The following ENKUR variants were observed in gnomAD, a reference collection of about 807,000 sequenced individuals.
ENKUR encodes enkurin, TRPC channel interacting protein, also known as enkurin.
ENKUR carries 19 observed loss-of-function variants against 27.6 expected under a neutral mutation model. The observed-to-expected ratio is 0.69, with a 90% CI of 0.48 to 1.01. The LOEUF (loss-of-function observed/expected upper bound fraction) is 1.01. ENKUR is among the 50% of genes least tolerant of loss of function. The pLI is 0.00. For synonymous variants in ENKUR, 117 were observed against 96.9 expected (o/e 1.21, Z -1.22); for missense variants, 312 against 310.5 (o/e 1.00, Z -0.04).
Position 25,013,845 on chromosome 10 carries a change from G to C in ENKUR, c.77+2015C>G, listed in dbSNP as rs192366764. ...TAATCCCAGCTACTCGGGAGGCTGA[G>C]GCAGGAGAATCGCTTGAACCCAGGA... On this transcript the variant is annotated intron_variant, in intron 1 of 5. Coordinates refer to ENST00000331161, the MANE Select transcript of ENKUR (RefSeq NM_145010.4). 2.1e-4 allele frequency among the ~76,000 whole-genome samples: 32 copies of C among 152,200 alleles called. No individual in the cohort carries two copies. In the East Asian group the frequency reaches 6.2e-3, roughly 29 times the overall value.
intron 2 of ENKUR, among the ~76,000 whole-genome samples, chr10:25,048,343 A>C (rs1296011232): frequency 6.6e-6 from 1 of 152,132 alleles, no homozygotes; most frequent in Non-Finnish European, 1.5e-5. Flanking sequence ...AGATGATCAG[A>C]ACTAGGGGTC....
In ENKUR at chr10:25,062,260, C is replaced by T. The variant is rs1203559228; in HGVS notation, c.-300G>A. On this transcript the variant is annotated 5_prime_UTR_variant, in exon 1 of 6. Transcript: ENST00000615958. The stretch of plus-strand genomic sequence containing the variant: ...TGTTGCTCTCTTGTCACTTTTCCAC[C>T]AGTGTTCCTCTCTTAAGGGAGAGAA... 2.0e-5 allele frequency: 3 copies of T among 152,186 alleles called. No homozygotes were observed. In the East Asian group the frequency reaches 5.8e-4, roughly 29 times the overall value. 9.4% of individuals were successfully genotyped at this position (152,186 alleles called of 1,614,324 possible).
chr10:25,055,545 CA>C (rs142864120), intron 2 of ENKUR, among the ~76,000 whole-genome samples: 1,713 of 94,246 alleles, frequency 0.018, 23 homozygotes, highest in African/African-American at 0.053. Context: ...AACAAATTGG[CA>C]AAAAAAAAAA....
chr10:25,002,321 G>A (rs11014341), intron 1 of ENKUR, among the ~76,000 whole-genome samples: 12,669 of 152,220 alleles, frequency 0.083, 681 homozygotes, highest in Middle Eastern at 0.12. Context: ...TATTTCCACA[G>A]TCCTCTCTCT....
upstream of ENKUR, chr10:25,016,307 G>T: frequency 2.4e-6 from 1 of 419,582 alleles, no homozygotes; most frequent in Non-Finnish European, 3.3e-6. Flanking sequence ...GAAAGTTAAC[G>T]GGGTGAAAAT....
upstream of ENKUR, among the ~76,000 whole-genome samples, chr10:25,018,537 A>G (rs1850655280): frequency 6.6e-6 from 1 of 152,228 alleles, no homozygotes; most frequent in Non-Finnish European, 1.5e-5. Context: ...GTTGTGCTTC[A>G]AAGAAACTTG....
At chr10:25,025,420 C>A in intron 2 of ENKUR, 1 of 1,610,386 alleles carries the variant, frequency 6.2e-7, no homozygotes, top group South Asian at 1.1e-5. Context: ...CTTGAAGAGT[C>A]ATGTGGAACA....
At chr10:25,001,635 G>A (rs965384068) in intron 1 of ENKUR, among the ~76,000 whole-genome samples, 2 of 151,876 alleles carry the variant, frequency 1.3e-5, no homozygotes, top group African/African-American at 2.4e-5. Context: ...CTTTTTCAGT[G>A]TCTTAGCTGC....
At chr10:25,031,738 C>CT (rs60752145) in intron 2 of ENKUR, among the ~76,000 whole-genome samples, 30 of 129,800 alleles carry the variant, frequency 2.3e-4, no homozygotes, top group East Asian at 8.5e-4. Context: ...GTTTTTAGTT[C>CT]TTTTTTTTTT....
chr10:24,989,274 C>A (rs998275649), intron 4 of ENKUR, among the ~76,000 whole-genome samples: 2 of 152,200 alleles, frequency 1.3e-5, no homozygotes, highest in Non-Finnish European at 2.9e-5. Flanking sequence ...TTCCTTCCTG[C>A]CTGTCTGCCT....
At chr10:25,058,351 G>T (rs936924962) in intron 2 of ENKUR, among the ~76,000 whole-genome samples, 3 of 152,022 alleles carry the variant, frequency 2.0e-5, no homozygotes, top group Admixed American at 1.3e-4. Flanking sequence ...GGGACTACAG[G>T]CATGCACCAC....
intron 2 of ENKUR, among the ~76,000 whole-genome samples, chr10:24,998,360 T>C (rs200909586): frequency 4.8e-5 from 2 of 41,496 alleles, no homozygotes; most frequent in Non-Finnish European, 4.1e-5. Context: ...CCTTCCTTCC[T>C]CTCTCTCTCT....
intron 5 of ENKUR, 21 bp from the exon 6 acceptor site, chr10:24,984,397 A>T (rs2132661185): frequency 1.3e-6 from 2 of 1,597,618 alleles, no homozygotes; most frequent in South Asian, 1.1e-5. Flanking sequence ...AAAAAAAAAA[A>T]AGTGAAGTTC....
At chr10:25,032,610 G>T (rs1223000220) in intron 2 of ENKUR, among the ~76,000 whole-genome samples, 1 of 152,086 alleles carries the variant, frequency 6.6e-6, no homozygotes. Context: ...AGAAGTAAAT[G>T]TTATCTCTAA....
At chr10:24,986,841 ACTT>A (rs1206493174) in intron 4 of ENKUR, among the ~76,000 whole-genome samples, 2 of 152,202 alleles carry the variant, frequency 1.3e-5, no homozygotes, top group Non-Finnish European at 2.9e-5. Context: ...CTAAAAAGAT[ACTT>A]CATGTGTTGC....
upstream of ENKUR, among the ~76,000 whole-genome samples, chr10:25,016,992 C>T (rs1156807800): frequency 1.3e-5 from 2 of 152,150 alleles, no homozygotes; most frequent in African/African-American, 4.8e-5. Flanking sequence ...GCACGGGGCC[C>T]GCGGCCTCCT....
At chr10:25,024,986 CAG>C (rs1271281055) in intron 2 of ENKUR, 2 of 1,614,028 alleles carry the variant, frequency 1.2e-6, no homozygotes, top group East Asian at 2.2e-5. Context: ...CAGCTAATGA[CAG>C]AATTATTTAA....
chr10:25,027,398 A>ATGG (rs1402806183), intron 2 of ENKUR, among the ~76,000 whole-genome samples: 1 of 140,084 alleles, frequency 7.1e-6, no homozygotes, highest in East Asian at 2.2e-4. Flanking sequence ...CTAGCCAGGC[A>ATGG]TGGTGGCGCA....
At chr10:24,985,901 CTACAAAAAA>C (rs1195900176) in intron 4 of ENKUR, among the ~76,000 whole-genome samples, 1 of 152,088 alleles carries the variant, frequency 6.6e-6, no homozygotes, top group African/African-American at 2.4e-5. Context: ...AACCCTGTCG[CTACAAAAAA>C]TACAAAAAAT....
Sources: gnomAD v4.1 joint callset for allele counts (sites outside exome capture counted in the v4.1 genomes callset) on GRCh38, gnomAD v4.1.1 for gene constraint, MANE v1.5 for transcripts, NCBI Gene and HGNC (gene_info 2026-07-23, HGNC 2026-07-21) for gene names.